Variants in RNF144A observed in about 807,000 individuals in gnomAD.
RNF144A encodes the protein E3 ubiquitin-protein ligase RNF144A.
RNF144A carries 11 observed loss-of-function variants against 38.7 expected under a neutral mutation model. The observed-to-expected ratio is 0.28, with a 90% CI of 0.18 to 0.47. The LOEUF is 0.47. Ranked by LOEUF, RNF144A falls within the 20% of genes least tolerant of loss-of-function variation. The pLI is 0.99. For synonymous variants in RNF144A, 149 were observed against 143.9 expected, an observed-to-expected ratio of 1.04 and a Z score of -0.25; for missense variants, 316 against 377.2, an observed-to-expected ratio of 0.84 and a Z score of 1.34.
At chr2:7,020,423 A>C (rs1455499250) in intron 5 of RNF144A, 50 bp from the exon 6 acceptor site, 3 of 1,546,034 alleles carry the variant, frequency 1.9e-6, no homozygotes, top group Admixed American at 3.4e-5. Flanking sequence ...TGAAGCCCAC[A>C]TGACCCTCTG....
At chr2:7,005,989 T>TGC (rs555594538) in intron 3 of RNF144A, among the ~76,000 whole-genome samples, 144 of 151,886 alleles carry the variant, frequency 9.5e-4, no homozygotes, top group Non-Finnish European at 1.9e-3. Context: ...TACCCTAATT[T>TGC]ACACACACAT....
intron 2 of RNF144A, among the ~76,000 whole-genome samples, chr2:6,991,513 G>A (rs1669372858): frequency 6.6e-6 from 1 of 152,132 alleles, no homozygotes; most frequent in East Asian, 1.9e-4. Flanking sequence ...ATCTCATTCA[G>A]CTGATGAGGA....
At chr2:6,982,413 A>T (rs557893999) in intron 2 of RNF144A, among the ~76,000 whole-genome samples, 2 of 151,776 alleles carry the variant, frequency 1.3e-5, no homozygotes, top group African/African-American at 4.9e-5. Context: ...TGCCCTCTTC[A>T]CACCAAGGAA....
At chr2:6,953,841 G>A (rs1192144892) in intron 2 of RNF144A, among the ~76,000 whole-genome samples, 1 of 152,128 alleles carries the variant, frequency 6.6e-6, no homozygotes, top group Non-Finnish European at 1.5e-5. Context: ...TATATAATGA[G>A]TTTTCTCAGT....
chr2:6,993,583 TG>T (rs1669533061), intron 2 of RNF144A, among the ~76,000 whole-genome samples: 1 of 151,542 alleles, frequency 6.6e-6, no homozygotes, highest in South Asian at 2.1e-4. Flanking sequence ...GGGGTGGAGG[TG>T]GGGATTCCAG....
At position 6,951,277 on chromosome 2, in the gene RNF144A, G is replaced by GT. The variant is rs35212186; in HGVS notation, c.-12+10143dup. Among the ~76,000 whole-genome samples the GT allele has an allele frequency of 6.3e-3, 917 of 145,794 alleles. 13 individuals carry two copies. The highest frequency in any genetic ancestry group is 0.021 in the African/African-American group (839 of 39,872). On this transcript the variant is annotated intron_variant, in intron 2 of 8. Transcript: ENST00000320892. The stretch of plus-strand genomic sequence containing the variant: ...ATGTGTCATGTTTCCATGTATTCAT[G>GT]TTTTTTTTTTTTTCTCTGTCTCCTT...
intron 2 of RNF144A, among the ~76,000 whole-genome samples, chr2:6,950,747 G>T (rs1417768106): frequency 6.6e-6 from 1 of 152,128 alleles, no homozygotes; most frequent in African/African-American, 2.4e-5. Flanking sequence ...CAAATTAATG[G>T]TAAGATGAAT....
intron 2 of RNF144A, among the ~76,000 whole-genome samples, chr2:6,949,870 A>T (rs1274087911): frequency 1.3e-5 from 2 of 152,240 alleles, no homozygotes; most frequent in African/African-American, 2.4e-5. Flanking sequence ...TTATTAAACT[A>T]CAGAGAGTGT....
chr2:6,975,377 G>A (rs900506097), intron 2 of RNF144A, among the ~76,000 whole-genome samples: 2 of 152,178 alleles, frequency 1.3e-5, no homozygotes, highest in Non-Finnish European at 2.9e-5. Context: ...TGAGATTTGG[G>A]TGGGGGACAC....
chr2:6,990,425 CACACACACACA>C (rs1669268536), intron 2 of RNF144A, among the ~76,000 whole-genome samples: 1 of 88,570 alleles, frequency 1.1e-5, no homozygotes, highest in African/African-American at 4.9e-5. Flanking sequence ...CACACACACA[CACACACACACA>C]GAGCTATATA....
chr2:7,056,378 C>A (rs1210069559), intron 6 of RNF144A, among the ~76,000 whole-genome samples: 30 of 152,172 alleles, frequency 2.0e-4, no homozygotes. Flanking sequence ...CTGTGAACCT[C>A]CCTCCTTATC....
At chr2:7,045,704 A>C (rs115623067), downstream of RNF144A, among the ~76,000 whole-genome samples, 647 of 152,284 alleles carry the variant, frequency 4.2e-3, 10 homozygotes, top group African/African-American at 0.015. Context: ...TGGGAAACAC[A>C]ACTCACCTCC....
chr2:7,056,377 T>G lies in RNF144A; in HGVS notation c.735-11839T>G, dbSNP rs1050286228. Among the ~76,000 whole-genome samples, 6 of 152,144 alleles carry G rather than the reference T, an allele frequency of 3.9e-5. No individual in the cohort carries two copies. In the South Asian group the frequency reaches 8.3e-4, roughly 21 times the overall value. ...TCAATTTCTCAGGCAACTGTGAACC[T>G]CCCTCCTTATCTTGGGACATGTCTC... On this transcript the variant is annotated intron_variant, in intron 6 of 6. Coordinates refer to the RNF144A transcript ENST00000432850.
chr2:7,073,812 T>G, the RNF144A span, among the ~76,000 whole-genome samples: 1 of 152,256 alleles, frequency 6.6e-6, no homozygotes, highest in African/African-American at 2.4e-5. Context: ...CACTGTGAAT[T>G]CAGAATATTC....
chr2:6,975,383 G>C (rs1465600524), intron 2 of RNF144A, among the ~76,000 whole-genome samples: 2 of 152,138 alleles, frequency 1.3e-5, no homozygotes, highest in East Asian at 1.9e-4. Context: ...TTGGGTGGGG[G>C]ACACAGAACC....
chr2:6,926,534 C>T (rs964243538), intron 1 of RNF144A, among the ~76,000 whole-genome samples: 6 of 152,198 alleles, frequency 3.9e-5, no homozygotes, highest in African/African-American at 7.2e-5. Context: ...CATATGCATG[C>T]GGCTTCAAGG....
At chr2:7,017,133 G>A (rs143693098) in intron 5 of RNF144A, among the ~76,000 whole-genome samples, 285 of 152,168 alleles carry the variant, frequency 1.9e-3, no homozygotes, top group African/African-American at 6.5e-3. Context: ...CTCGACGCCC[G>A]TGGCCCTCTG....
intron 2 of RNF144A, among the ~76,000 whole-genome samples, chr2:6,963,129 G>C (rs959341135): frequency 2.0e-5 from 3 of 152,206 alleles, no homozygotes; most frequent in Admixed American, 6.5e-5. Context: ...TCCACAGAGA[G>C]AGACTGAGAC....
chr2:6,938,590 C>T (rs1443149735), intron 1 of RNF144A, among the ~76,000 whole-genome samples: 2 of 152,146 alleles, frequency 1.3e-5, no homozygotes, highest in African/African-American at 4.8e-5. Context: ...ATGGAATTCA[C>T]ATAGCATAAA....
Sources: allele counts gnomAD v4.1 joint callset (sites outside exome capture counted in the v4.1 genomes callset), GRCh38; gene constraint gnomAD v4.1.1; transcripts MANE v1.5; gene names NCBI Gene and HGNC (gene_info 2026-07-23, HGNC 2026-07-21).